The following GEMIN8 variants were observed in gnomAD, a reference collection of about 807,000 sequenced individuals.
GEMIN8 encodes the protein gem nuclear organelle associated protein 8.
For missense variants in GEMIN8, 185 were observed against 205.9 expected, an observed-to-expected ratio of 0.90 and a Z score of 0.62; for synonymous variants, 80 against 78.5, an observed-to-expected ratio of 1.02 and a Z score of -0.10.
the GEMIN8 span, among the ~76,000 whole-genome samples, chrX:13,998,485 A>G: frequency 0.37 from 40,412 of 109,547 alleles, 5,944 homozygotes; most frequent in African/African-American, 0.54. Context: ...TGGTAAAGAC[A>G]TGCTTGCTTC....
At chrX:13,997,031 T>A in the GEMIN8 span, among the ~76,000 whole-genome samples, 1 of 93,515 alleles carries the variant, frequency 1.1e-5, no homozygotes, top group Non-Finnish European at 2.0e-5. Context: ...AACCTCCACC[T>A]CCCGGGTTCA....
chrX:14,029,091 T>A (rs944002196), intron 1 of GEMIN8, among the ~76,000 whole-genome samples: 3 of 111,878 alleles, frequency 2.7e-5, no homozygotes, highest in Non-Finnish European at 5.6e-5. Flanking sequence ...TGATCTGTAC[T>A]AAGGGAACAT....
chrX:14,002,795 C>A (rs1271476627), downstream of GEMIN8, among the ~76,000 whole-genome samples: 2 of 112,103 alleles, frequency 1.8e-5, no homozygotes, highest in East Asian at 5.6e-4. Context: ...AGCCACCACG[C>A]CCGGCCAACA....
chrX:14,018,732 CTTTCTTTTCTT>C (rs1006784555), intron 4 of GEMIN8, among the ~76,000 whole-genome samples: 8 of 106,372 alleles, frequency 7.5e-5, no homozygotes, highest in African/African-American at 1.4e-4. Flanking sequence ...ATACTTCTTT[CTTTCTTTTCTT>C]TTTCTTTTCT....
chrX:14,024,139 C>G (rs988245293), intron 2 of GEMIN8, among the ~76,000 whole-genome samples: 1 of 112,355 alleles, frequency 8.9e-6, no homozygotes, highest in Non-Finnish European at 1.9e-5. Context: ...AAGTAGACTA[C>G]CATTTTAAGG....
At chrX:14,021,980 A>G (rs976298164) in intron 2 of GEMIN8, among the ~76,000 whole-genome samples, 3 of 100,613 alleles carry the variant, frequency 3.0e-5, no homozygotes, top group African/African-American at 7.3e-5. Flanking sequence ...ATATGTGTGT[A>G]TATATAATGT....
chrX:14,020,505 C>A lies in GEMIN8; in HGVS notation c.45G>T (p.Trp15Cys). 1.7e-6 allele frequency: 2 copies of A among 1,197,699 alleles called. No individual in the cohort carries two copies. The highest frequency in any genetic ancestry group is 2.3e-6 in the Non-Finnish European group (2 of 883,071). ...KASTSKATRP[W>C]YSHPVYARYW... is the part of the protein sequence containing the mutation. ...ATCTTGCATATACCGGATGAGAATA[C>A]CAAGGCCTGGTAGCTTTCGATGTTG... Residue 15 changes from tryptophan to cysteine, a missense_variant, in exon 4 of 5, where the codon TGG (tryptophan) becomes TGT (cysteine). Physicochemically the swap from Trp to Cys is radical, Grantham distance 215 (BLOSUM62 -2). Transcript: ENST00000680255.
chrX:13,996,071 GCTTGT>G, the GEMIN8 span, among the ~76,000 whole-genome samples: 3 of 111,916 alleles, frequency 2.7e-5, no homozygotes, highest in African/African-American at 9.7e-5. Flanking sequence ...AATCTGCAAT[GCTTGT>G]CTTGTATGTC....
chrX:14,005,086 T>C (rs900855459), downstream of GEMIN8, among the ~76,000 whole-genome samples: 3 of 111,529 alleles, frequency 2.7e-5, no homozygotes, highest in African/African-American at 9.8e-5. Flanking sequence ...ATAGAGGCAC[T>C]AGGAAAGTCT....
the GEMIN8 span, among the ~76,000 whole-genome samples, chrX:13,989,960 A>G: frequency 8.9e-6 from 1 of 112,412 alleles, no homozygotes; most frequent in Non-Finnish European, 1.9e-5. Context: ...ATTTGCTCCA[A>G]TGCACTGCAA....
chrX:13,992,818 A>G, the GEMIN8 span, among the ~76,000 whole-genome samples: 448 of 111,645 alleles, frequency 4.0e-3, 1 homozygote, highest in Non-Finnish European at 7.2e-3. Flanking sequence ...AAAAGTGACG[A>G]TCTGGCTTAT....
At chrX:13,998,622 T>C in the GEMIN8 span, among the ~76,000 whole-genome samples, 4 of 111,186 alleles carry the variant, frequency 3.6e-5, no homozygotes, top group African/African-American at 9.8e-5. Context: ...CTTATAGCAG[T>C]GTGAAAACAG....
At chrX:14,002,870 A>G (rs1923022599), downstream of GEMIN8, among the ~76,000 whole-genome samples, 1 of 111,567 alleles carries the variant, frequency 9.0e-6, no homozygotes, top group Non-Finnish European at 1.9e-5. Flanking sequence ...GAGTGGTAGG[A>G]TGTCACTGGA....
chrX:14,015,074 T>G (rs924381222), intron 4 of GEMIN8, among the ~76,000 whole-genome samples: 2 of 111,499 alleles, frequency 1.8e-5, no homozygotes, highest in African/African-American at 3.3e-5. Flanking sequence ...GTTTAAGCTT[T>G]TAGAATATGT....
intron 4 of GEMIN8, 42 bp downstream of exon 4, chrX:14,020,036 G>A (rs754969478): frequency 6.5e-6 from 5 of 769,355 alleles, no homozygotes; most frequent in South Asian, 2.6e-5. Flanking sequence ...TAAAAGGCAG[G>A]GCAAGGAAAG....
downstream of GEMIN8, among the ~76,000 whole-genome samples, chrX:14,005,177 T>C (rs1923101542): frequency 9.1e-6 from 1 of 109,776 alleles, no homozygotes; most frequent in African/African-American, 3.3e-5. Context: ...GTGATGGGAG[T>C]CTTTTGTTCT....
intron 2 of GEMIN8, among the ~76,000 whole-genome samples, chrX:14,025,023 T>C (rs2158035): frequency 0.33 from 36,823 of 110,673 alleles, 4,585 homozygotes; most frequent in African/African-American, 0.42. Flanking sequence ...AATCCCAAAA[T>C]GTACTTGTAC....
chrX:13,994,896 G>A, the GEMIN8 span, among the ~76,000 whole-genome samples: 1 of 112,175 alleles, frequency 8.9e-6, no homozygotes, highest in African/African-American at 3.2e-5. Context: ...AATAGGATAG[G>A]TGTCTATATG....
chrX:14,012,968 T>C (rs1923665030), intron 4 of GEMIN8, among the ~76,000 whole-genome samples: 1 of 111,806 alleles, frequency 8.9e-6, no homozygotes, highest in African/African-American at 3.3e-5. Flanking sequence ...AGGCTACAAG[T>C]TGAAAACCAG....
Sources: allele counts gnomAD v4.1 joint callset (sites outside exome capture counted in the v4.1 genomes callset), GRCh38; gene constraint gnomAD v4.1.1; transcripts MANE v1.5; gene names NCBI Gene and HGNC (gene_info 2026-07-23, HGNC 2026-07-21).